The following HTR1D variants were observed in gnomAD, a reference collection of about 807,000 sequenced individuals.
HTR1D encodes the protein 5-HT-1D.
In HTR1D, 18 loss-of-function variants were observed where a neutral mutation model predicts 21.1. That is an observed-to-expected ratio of 0.85 (90% CI 0.59 to 1.27). The LOEUF is 1.27. Ranked by LOEUF, HTR1D falls within the 50% of genes most tolerant of loss-of-function variation. The probability of loss-of-function intolerance (pLI) is 0.00; values close to 1 mark genes in which losing one functional copy is unlikely to be tolerated. For synonymous variants in HTR1D, 196 were observed against 204.4 expected (o/e 0.96, Z 0.35); for missense variants, 456 against 481.4 (o/e 0.95, Z 0.49).
At position 23,193,016 on chromosome 1, in the gene HTR1D, A is replaced by T. The variant is rs989803072; in HGVS notation, c.*70T>A. 3.6e-3 allele frequency: 1,741 copies of T among 477,914 alleles called. No individual in the cohort carries two copies. Among genetic ancestry groups the T allele is most frequent in the South Asian group, 8.7e-3 (237 of 27,138 alleles). 29.6% of individuals were successfully genotyped at this position (477,914 alleles called of 1,614,324 possible). ...TTAATCCAAGTCTCAGAAAATAATT[A>T]AAAAAAAAAAAGACAATCCCGATGA... On this transcript the variant is annotated 3_prime_UTR_variant, in exon 2 of 2. Transcript: ENST00000374619.
chr1:23,193,932 G>C lies in HTR1D; in HGVS notation c.288C>G (p.Ile96Met), dbSNP rs143216598. ...TCCAGGTGTGGGTGATGGTATAGGC[G>C]ATGCTGATGGGCATTACCAAGATGG... ...LVSILVMPIS[I>M]AYTITHTWNF... Residue 96 changes from isoleucine (I) to methionine (M), a missense_variant, in exon 2 of 2, where the codon ATC (isoleucine) becomes ATG (methionine). Coordinates refer to ENST00000374619, the MANE Select transcript of HTR1D (RefSeq NM_000864.5). 5.0e-6 allele frequency: 8 copies of C among 1,614,108 alleles called. No individual in the cohort carries two copies. The highest frequency in any genetic ancestry group is 1.3e-5 in the African/African-American group (1 of 74,942).
rs71020483 is a variant in HTR1D, at chr1:23,199,415, CTTTTTTTTTTTTTTTTTTTTTT to C, written c.-782-4436_-782-4415del. On this transcript the variant is annotated intron_variant, in intron 1 of 1. Coordinates refer to ENST00000374619, the MANE Select transcript of HTR1D (RefSeq NM_000864.5). Reference sequence around the variant, plus strand: ...ACAGGTGTGAGCCGCCATGTGTGGTCTTTTTTTTTTTTTTTTTTTTTTTTTTTTTTTTTTTTTTAGAGAGAGG... The same window carrying C: ...ACAGGTGTGAGCCGCCATGTGTGGTCTTTTTTTTTTTTTTTTAGAGAGAGG... 3.7e-4 allele frequency among the ~76,000 whole-genome samples: 17 copies of C among 46,328 alleles called. No individual in the cohort carries two copies. The South Asian group carries it at 5.4e-3, about 15-fold the overall frequency. 30.4% of individuals were successfully genotyped at this position (46,328 alleles called of 152,430 possible). A position where few individuals can be genotyped will look rare whatever the true frequency, so the allele number is the denominator to read the frequency against.
intron 1 of HTR1D, among the ~76,000 whole-genome samples, chr1:23,210,624 C>G (rs1738477): frequency 1 from 151,704 of 152,114 alleles, 75,647 homozygotes; most frequent in Middle Eastern, 1. Flanking sequence ...CTCCCACCAG[C>G]GCTCCTTCTA....
chr1:23,193,437 A>ATG lies in HTR1D; in HGVS notation c.781_782dup (p.Glu262MetfsTer17). ...AGCCAGCCGAGTGCGAGTGCCCCTC[A>ATG]TGGAGGCTGGAGTTGAGCGAGCAGA... On this transcript the variant is annotated frameshift_variant, in exon 2 of 2. Coordinates refer to ENST00000374619, the MANE Select transcript of HTR1D (RefSeq NM_000864.5). LOFTEE classifies it high-confidence loss of function. 1 of 1,614,224 alleles carries ATG rather than the reference A, an allele frequency of 6.2e-7. No individual in the cohort carries two copies.
chr1:23,193,944 C>T lies in HTR1D; in HGVS notation c.276G>A (p.Met92Ile), dbSNP rs751117485. ...TGATGGTATAGGCGATGCTGATGGG[C>T]ATTACCAAGATGGAAACCAAGAGGT... Reference protein sequence around the residue: ...TTDLLVSILVMPISIAYTITH... With the variant: ...TTDLLVSILVIPISIAYTITH... The change falls in exon 2 of 2, where the codon ATG becomes ATA. Residue 92 changes from methionine to isoleucine, a missense_variant. Transcript: ENST00000374619. The T allele has an allele frequency of 6.2e-7, 1 of 1,614,172 alleles. No individual in the cohort carries two copies. Among genetic ancestry groups the T allele is most frequent in the Non-Finnish European group, 8.5e-7 (1 of 1,180,040 alleles).
intron 1 of HTR1D, among the ~76,000 whole-genome samples, chr1:23,200,612 G>A (rs1300788345): frequency 6.6e-6 from 1 of 152,068 alleles, no homozygotes; most frequent in Non-Finnish European, 1.5e-5. Flanking sequence ...GGCCTCAAGT[G>A]ATCCTTTCAC....
In HTR1D at chr1:23,194,514, A is replaced by G. The variant is rs1443382568; in HGVS notation, c.-295T>C. The G allele has an allele frequency of 5.1e-6, 1 of 197,104 alleles. No individual in the cohort carries two copies. Among genetic ancestry groups the G allele is most frequent in the Non-Finnish European group, 1.2e-5 (1 of 86,900 alleles). 12.2% of individuals were successfully genotyped at this position (197,104 alleles called of 1,614,324 possible). The stretch of plus-strand genomic sequence containing the variant: ...TTTCCTAAACCACAGGAATCCCAAG[A>G]TGTCTCAGGGTCCTGGAACTTTTCC... On this transcript the variant is annotated 5_prime_UTR_variant, in exon 2 of 2. Transcript: ENST00000374619.
rs144389583 is a variant in HTR1D at position 23,193,757 on chromosome 1, C to T, written c.463G>A (p.Ala155Thr). The change falls in exon 2 of 2, where the codon GCG (alanine) becomes ACG (threonine). Residue 155 changes from alanine (A) to threonine (T), a missense_variant. Ala to Thr is a moderately conservative substitution (Grantham distance 58, BLOSUM62 0). Coordinates refer to ENST00000374619, the MANE Select transcript of HTR1D (RefSeq NM_000864.5). ...CAGACAATGGCGATCATGGTGGCCG[C>T]GTGGCCAGCCGTCCTGCGTTTACTG... is the stretch of plus-strand genomic sequence containing the variant. Reference protein sequence around the residue: ...EYSKRRTAGHAATMIAIVWAI... With the variant: ...EYSKRRTAGHTATMIAIVWAI... 1.1e-5 allele frequency: 18 copies of T among 1,613,962 alleles called. No homozygotes were observed. Among genetic ancestry groups the T allele is most frequent in the East Asian group, 4.5e-5 (2 of 44,886 alleles).
intron 1 of HTR1D, among the ~76,000 whole-genome samples, chr1:23,198,132 G>T (rs1222593035): frequency 6.6e-6 from 1 of 151,584 alleles, no homozygotes; most frequent in Non-Finnish European, 1.5e-5. Flanking sequence ...AGCACTTTGG[G>T]AGGCCAAGGC....
intron 1 of HTR1D, among the ~76,000 whole-genome samples, chr1:23,211,749 C>T (rs1644754430): frequency 6.6e-6 from 1 of 152,058 alleles, no homozygotes; most frequent in South Asian, 2.1e-4. Context: ...GCAGCCTCAA[C>T]CTCCTGAGCT....
chr1:23,205,668 C>T (rs145049714), intron 1 of HTR1D, among the ~76,000 whole-genome samples: 2 of 152,262 alleles, frequency 1.3e-5, no homozygotes, highest in East Asian at 1.9e-4. Context: ...CTCAGCCTCC[C>T]GAGTAGCTGG....
At chr1:23,206,855 G>T (rs556630546) in intron 1 of HTR1D, among the ~76,000 whole-genome samples, 16 of 152,288 alleles carry the variant, frequency 1.1e-4, no homozygotes, top group African/African-American at 3.6e-4. Flanking sequence ...CTGGCCCAGA[G>T]CAAGGGATCC....
chr1:23,208,329 T>C (rs1435749530), intron 1 of HTR1D, among the ~76,000 whole-genome samples: 1 of 152,012 alleles, frequency 6.6e-6, no homozygotes, highest in Admixed American at 6.6e-5. Flanking sequence ...CCCATCACTT[T>C]GGGAGGTCGA....
chr1:23,213,022 C>T lies in HTR1D; in HGVS notation c.-783+4269G>A, dbSNP rs1459840538. Among the ~76,000 whole-genome samples, 6 of 150,638 alleles carry T rather than the reference C, an allele frequency of 4.0e-5. No individual in the cohort carries two copies. The East Asian group carries it at 8.1e-4, about 20-fold the overall frequency. Reference sequence around the variant, plus strand: ...CTGTATTTTTGTAGAGACAGGGTTTCACCATGTTGGCCAGGCTGGTCTCGA... The same window carrying T: ...CTGTATTTTTGTAGAGACAGGGTTTTACCATGTTGGCCAGGCTGGTCTCGA... On this transcript the variant is annotated intron_variant, in intron 1 of 1. Coordinates refer to ENST00000374619, the MANE Select transcript of HTR1D (RefSeq NM_000864.5).
intron 1 of HTR1D, among the ~76,000 whole-genome samples, chr1:23,195,412 A>C (rs1644685007): frequency 6.6e-6 from 1 of 151,924 alleles, no homozygotes; most frequent in African/African-American, 2.4e-5. Flanking sequence ...ACTCATTTGA[A>C]TTTTCCAAAT....
intron 1 of HTR1D, among the ~76,000 whole-genome samples, chr1:23,207,873 T>C (rs2148242752): frequency 6.6e-6 from 1 of 150,866 alleles, no homozygotes; most frequent in East Asian, 2.0e-4. Context: ...GCAATTCTCC[T>C]GCCTTAGCCT....
Position 23,194,247 on chromosome 1 carries a change from C to T in HTR1D, c.-28G>A. 1.3e-6 allele frequency: 2 copies of T among 1,589,948 alleles called. No individual in the cohort carries two copies. The highest frequency in any genetic ancestry group is 1.7e-6 in the Non-Finnish European group (2 of 1,168,930). On this transcript the variant is annotated 5_prime_UTR_variant, in exon 2 of 2. Transcript: ENST00000374619. ...TAGGTGGCTCTCTCTTCCCACAGAC[C>T]TCCACACATTTGGCTCCTTCCTTCA...
chr1:23,216,340 T>C (rs61778660), intron 1 of HTR1D, among the ~76,000 whole-genome samples: 20,147 of 152,218 alleles, frequency 0.13, 1,679 homozygotes, highest in South Asian at 0.32. Flanking sequence ...CCCATTAGAT[T>C]TGTACAGTAA....
Position 23,195,557 on chromosome 1 carries a change from G to A in HTR1D, c.-782-556C>T, listed in dbSNP as rs191941686. ...GGGTTCAAGCGATTGTCCTGCCTCA[G>A]TCTCCCAAGTAGCTGGGACTACAGG... is the stretch of plus-strand genomic sequence containing the variant. On this transcript the variant is annotated intron_variant, in intron 1 of 1. Transcript: ENST00000374619. 3.6e-4 allele frequency among the ~76,000 whole-genome samples: 55 copies of A among 152,212 alleles called. 2 individuals carry two copies. In the East Asian group the frequency reaches 9.1e-3, roughly 25 times the overall value.
Sources: gnomAD v4.1 joint callset for allele counts (sites outside exome capture counted in the v4.1 genomes callset) on GRCh38, gnomAD v4.1.1 for gene constraint, MANE v1.5 for transcripts, NCBI Gene and HGNC (gene_info 2026-07-23, HGNC 2026-07-21) for gene names.